The following CUX1 variants were observed in gnomAD, a reference collection of about 807,000 sequenced individuals.
CUX1 encodes protein CASP.
Under a neutral mutation model 158.8 loss-of-function variants are expected in CUX1, and 31 were observed. The observed-to-expected ratio is 0.20, with a 90% CI of 0.15 to 0.26. The LOEUF is 0.26. Ranked by LOEUF, CUX1 falls within the 10% of genes least tolerant of loss-of-function variation. The pLI is 1.00. For missense variants in CUX1, 1,589 were observed against 2,014.6 expected, an observed-to-expected ratio of 0.79 and a Z score of 4.04; for synonymous variants, 879 against 862.1, an observed-to-expected ratio of 1.02 and a Z score of -0.34.
Position 102,248,604 on chromosome 7 carries a change from G to A in CUX1, c.4080G>A (p.Glu1360=). The A allele has an allele frequency of 6.9e-7, 1 of 1,455,688 alleles. No individual in the cohort carries two copies. The highest frequency in any genetic ancestry group is 9.0e-7 in the Non-Finnish European group (1 of 1,108,778). The allele number at this position is 1,455,688 out of a possible 1,614,324, so 90.2% of individuals were successfully genotyped here. ...CCGAGGAGCCCAAGTCTCAGGGAGA[G>A]GCCGAGCGGGAGGAGGTGCCGCGGC... ...ADTEEPKSQG[E]AEREEVPRPA... Residue 1360 remains glutamate, a synonymous_variant, in exon 24 of 24, where the codon GAG becomes GAA. Coordinates refer to ENST00000292535, the MANE Select transcript of CUX1 (RefSeq NM_181552.4). The surrounding 1 kb of genome is among the most constrained non-coding windows in gnomAD (Gnocchi z 5.8).
At chr7:102,063,737 G>A (rs1248444147) in intron 3 of CUX1, among the ~76,000 whole-genome samples, 1 of 152,118 alleles carries the variant, frequency 6.6e-6, no homozygotes, top group Non-Finnish European at 1.5e-5. Flanking sequence ...ATTTAAACCT[G>A]GATTCCTGAA....
chr7:102,148,725 A>G (rs1191871454), intron 8 of CUX1, among the ~76,000 whole-genome samples: 6 of 148,436 alleles, frequency 4.0e-5, no homozygotes, highest in African/African-American at 1.5e-4. Context: ...TATATATATT[A>G]TATATTACTC....
rs1195139644 is a variant in CUX1, at chr7:101,980,342, C to A, written c.142-47756C>A. Among the ~76,000 whole-genome samples the A allele has an allele frequency of 6.6e-5, 10 of 151,756 alleles. 1 individual carries two copies. The highest frequency in any genetic ancestry group is 2.4e-4 in the African/African-American group (10 of 41,390). On this transcript the variant is annotated intron_variant, in intron 2 of 23. Transcript: ENST00000292535. ...GCAACATAGCAAGACCCTGTTTCTC[C>A]AAAAAAAATGTTTAAAAAGTAGCTG... is the stretch of plus-strand genomic sequence containing the variant.
chr7:101,921,362 A>G (rs2129096188), intron 2 of CUX1, among the ~76,000 whole-genome samples: 1 of 152,192 alleles, frequency 6.6e-6, no homozygotes, highest in African/African-American at 2.4e-5. Flanking sequence ...ACCTGGGAAT[A>G]CTCACCGTGT....
intron 2 of CUX1, among the ~76,000 whole-genome samples, chr7:101,984,686 T>G (rs1276354097): frequency 6.6e-6 from 1 of 151,920 alleles, no homozygotes; most frequent in Non-Finnish European, 1.5e-5. Context: ...CTGGGAAAAC[T>G]AGATGTCAGT....
intron 1 of CUX1, among the ~76,000 whole-genome samples, chr7:101,895,638 G>C (rs1049262667): frequency 2.0e-5 from 3 of 152,130 alleles, no homozygotes; most frequent in Non-Finnish European, 4.4e-5. Context: ...ATTCTTAAAA[G>C]AATTTTAGGG....
chr7:101,891,602 T>G (rs1405483330), intron 1 of CUX1, among the ~76,000 whole-genome samples: 3 of 152,184 alleles, frequency 2.0e-5, no homozygotes, highest in Non-Finnish European at 4.4e-5. Context: ...AACCCAGAGA[T>G]CAATAAGACA....
intron 2 of CUX1, among the ~76,000 whole-genome samples, chr7:101,963,440 C>T (rs1169554891): frequency 6.6e-6 from 1 of 152,198 alleles, no homozygotes; most frequent in Non-Finnish European, 1.5e-5. Flanking sequence ...CAGTTCATCC[C>T]GGATCCAGGC....
intron 11 of CUX1, among the ~76,000 whole-genome samples, chr7:102,185,369 T>C (rs1793516516): frequency 6.6e-6 from 1 of 152,194 alleles, no homozygotes; most frequent in African/African-American, 2.4e-5. Context: ...ATAAGGAAAC[T>C]GAGGCTTGGA....
At chr7:101,860,145 T>C (rs929586702) in intron 1 of CUX1, among the ~76,000 whole-genome samples, 1 of 152,056 alleles carries the variant, frequency 6.6e-6, no homozygotes, top group East Asian at 1.9e-4. Context: ...TAGCAGAGAC[T>C]CTCCTTGAAG....
At chr7:102,014,181 C>T (rs928990340) in intron 2 of CUX1, among the ~76,000 whole-genome samples, 2 of 152,118 alleles carry the variant, frequency 1.3e-5, no homozygotes, top group African/African-American at 2.4e-5. Context: ...CACAAGAGAC[C>T]GACCTCTGTG....
rs1044116822 is a variant in CUX1, at chr7:102,252,947, C to T, written c.*3905C>T. The T allele has an allele frequency of 5.1e-6, 5 of 985,326 alleles. No individual in the cohort carries two copies. The East Asian group carries it at 3.4e-4, about 67-fold the overall frequency. The allele number at this position is 985,326 out of a possible 1,614,324, so 61.0% of individuals were successfully genotyped here. A position where few individuals can be genotyped will look rare whatever the true frequency, so the allele number is the denominator to read the frequency against. ...GGATTGGGGTGACAGCCCAGGGATG[C>T]ATGCATGGGAGAACTCTCTGAGAAA... On this transcript the variant is annotated 3_prime_UTR_variant, in exon 24 of 24. Transcript: ENST00000292535.
chr7:102,189,880 G>C lies in CUX1; in HGVS notation c.1076+9G>C, dbSNP rs373425128. The C allele has an allele frequency of 1.2e-6, 2 of 1,614,138 alleles. No homozygotes were observed. The highest frequency in any genetic ancestry group is 1.7e-6 in the Non-Finnish European group (2 of 1,179,984). ...GTGAAGAAAGAGCTGAAGTAAGTAC[G>C]GAGAGCCCTGTGGCCCCTCACACGC... On this transcript the variant is annotated intron_variant, in intron 12 of 23. Coordinates refer to ENST00000292535, the MANE Select transcript of CUX1 (RefSeq NM_181552.4).
chr7:102,131,036 C>G (rs965170319), intron 8 of CUX1, among the ~76,000 whole-genome samples: 1 of 150,316 alleles, frequency 6.7e-6, no homozygotes, highest in East Asian at 2.0e-4. Flanking sequence ...GTAGTCCCAG[C>G]TACTCAGAAA....
intron 18 of CUX1, chr7:102,278,073 C>T: frequency 6.3e-7 from 1 of 1,594,356 alleles, no homozygotes; most frequent in Non-Finnish European, 8.6e-7. Context: ...CGGGTGAGGG[C>T]CCTCCCCTGG....
At chr7:102,243,502 G>A (rs1800440816) in intron 23 of CUX1, among the ~76,000 whole-genome samples, 1 of 151,728 alleles carries the variant, frequency 6.6e-6, no homozygotes, top group South Asian at 2.1e-4. Flanking sequence ...CGAAACAGGT[G>A]GAAGGAGAAA....
exon 23 of CUX1, chr7:102,283,082 T>C: frequency 6.2e-7 from 1 of 1,613,486 alleles, no homozygotes; most frequent in Non-Finnish European, 8.5e-7. Flanking sequence ...TGGTGACTTG[T>C]GGCAGTGATA....
chr7:102,155,415 G>A (rs560882290), intron 8 of CUX1, among the ~76,000 whole-genome samples: 86 of 151,188 alleles, frequency 5.7e-4, no homozygotes, highest in South Asian at 1.0e-3. Context: ...GTATGCTGGC[G>A]TACACCACTA....
chr7:102,233,986 G>A lies in CUX1; in HGVS notation c.3434-66G>A, dbSNP rs569570802. 169 of 1,303,132 alleles carry A rather than the reference G, an allele frequency of 1.3e-4. No individual in the cohort carries two copies. The South Asian group carries it at 1.6e-3, about 12-fold the overall frequency. 80.7% of individuals were successfully genotyped at this position (1,303,132 alleles called of 1,614,324 possible). ...CTGTGTCTGATTTTAACCTTGACAC[G>A]TACTTGTCCCTTCAGATCCCTGGCT... On this transcript the variant is annotated intron_variant, in intron 21 of 23. Transcript: ENST00000292535.
Sources: gnomAD v4.1 joint callset for allele counts (sites outside exome capture counted in the v4.1 genomes callset) on GRCh38, gnomAD v4.1.1 for gene constraint, Gnocchi (gnomAD v3.1) non-coding constraint, MANE v1.5 for transcripts, NCBI Gene and HGNC (gene_info 2026-07-23, HGNC 2026-07-21) for gene names.